FCRL2: variants seen among roughly 807,000 people sequenced by gnomAD.
The protein encoded by FCRL2 is Fc receptor like 2.
In FCRL2, 48 loss-of-function variants were observed where a neutral mutation model predicts 59.8. That is an observed-to-expected ratio of 0.80 (90% CI 0.64 to 1.02). The LOEUF is 1.02. Among genes scored for constraint, FCRL2 ranks in the 50% least tolerant of loss-of-function variants. FCRL2 has a pLI of 0.00. For missense variants in FCRL2, 658 were observed against 597.3 expected (o/e 1.10, Z -1.06); for synonymous variants, 251 against 229.5 (o/e 1.09, Z -0.85).
chr1:157,771,156 T>C (rs948268959), intron 2 of FCRL2, among the ~76,000 whole-genome samples: 2 of 152,170 alleles, frequency 1.3e-5, no homozygotes, highest in Non-Finnish European at 2.9e-5. Context: ...GGTTTCAACA[T>C]ATGAATTTGA....
At chr1:157,773,586 C>G (rs754259410) in intron 2 of FCRL2, among the ~76,000 whole-genome samples, 1 of 152,136 alleles carries the variant, frequency 6.6e-6, no homozygotes, top group African/African-American at 2.4e-5. Context: ...CCCAAAGAGT[C>G]ATAATGGGTT....
chr1:157,759,116 G>A (rs562973971), intron 7 of FCRL2, among the ~76,000 whole-genome samples: 1 of 152,278 alleles, frequency 6.6e-6, no homozygotes, highest in South Asian at 2.1e-4. Flanking sequence ...GTGATAGTGA[G>A]TTAGTTCTCA....
intron 7 of FCRL2, among the ~76,000 whole-genome samples, chr1:157,756,846 A>G (rs571519082): frequency 1.3e-5 from 2 of 152,330 alleles, no homozygotes; most frequent in African/African-American, 2.4e-5. Flanking sequence ...GAGGCAATAC[A>G]TATATTAATT....
Position 157,748,573 on chromosome 1 carries a change from A to G in FCRL2, c.1439T>C (p.Met480Thr), listed in dbSNP as rs1175864174. Residue 480 changes from methionine (M) to threonine (T), a missense_variant, in exon 10 of 12, where the codon ATG becomes ACG. By Grantham distance (81) the Met-to-Thr change is moderately conservative. Transcript: ENST00000361516. Reference sequence around the variant, plus strand: ...CTCACCTGAGCTTTCTGGCTGCTGCATGCTCCAGACCTGAGAATAAACCAC... The same window carrying G: ...CTCACCTGAGCTTTCTGGCTGCTGCGTGCTCCAGACCTGAGAATAAACCAC... Reference protein sequence around the residue: ...VDVVYSQVWSMQQPESSANIR... With the variant: ...VDVVYSQVWSTQQPESSANIR... 7 of 1,613,690 alleles carry G rather than the reference A, an allele frequency of 4.3e-6. No individual in the cohort carries two copies. In the Admixed American group the frequency reaches 1.0e-4, roughly 23 times the overall value.
chr1:157,770,318 G>A, intron 3 of FCRL2, 91 bp downstream of exon 3: 1 of 1,487,520 alleles, frequency 6.7e-7, no homozygotes, highest in South Asian at 1.3e-5. Context: ...TCTATATTTA[G>A]CCCATGAGCA....
At position 157,769,980 on chromosome 1, in the gene FCRL2, C is replaced by T. The variant is rs776613583; in HGVS notation, c.481G>A (p.Glu161Lys). 3.1e-6 allele frequency: 5 copies of T among 1,614,144 alleles called. No homozygotes were observed. The East Asian group carries it at 6.7e-5, about 22-fold the overall frequency. Residue 161 changes from glutamate to lysine, a missense_variant, in exon 4 of 12, where the codon GAG (glutamate) becomes AAG (lysine). Coordinates refer to ENST00000361516, the MANE Select transcript of FCRL2 (RefSeq NM_030764.4). ...VLGSGWSSSP[E>K]LQISAVWSED... ...CTCCACACGGCAGAAATCTGGAGCT[C>T]CGGAGAGCTGCTCCAGCCTGACCCC...
chr1:157,769,019 C>T (rs1213462347), intron 4 of FCRL2: 1 of 216,552 alleles, frequency 4.6e-6, no homozygotes, highest in Non-Finnish European at 9.0e-6. Context: ...TAGAGGGGCA[C>T]TGATATCTTC....
chr1:157,767,071 TC>T (rs1649550786), intron 6 of FCRL2, 100 bp from the exon 7 acceptor site: 1 of 1,335,462 alleles, frequency 7.5e-7, no homozygotes, highest in Admixed American at 2.1e-5. Context: ...AAGTAAGAGA[TC>T]ATTGAAGTGT....
intron 7 of FCRL2, 126 bp downstream of exon 7, chr1:157,766,729 A>C: frequency 2.0e-6 from 3 of 1,478,918 alleles, no homozygotes; most frequent in Non-Finnish European, 2.7e-6. Flanking sequence ...AGAATTATGA[A>C]GCATAAAAAG....
intron 5 of FCRL2, chr1:157,767,837 A>G (rs1440911865): frequency 3.0e-5 from 21 of 694,624 alleles, no homozygotes; most frequent in Non-Finnish European, 3.7e-5. Context: ...TAAGATTTCT[A>G]TAATATTATA....
intron 7 of FCRL2, among the ~76,000 whole-genome samples, chr1:157,750,969 G>A (rs962081503): frequency 2.6e-5 from 4 of 152,096 alleles, no homozygotes; most frequent in Middle Eastern, 3.2e-3. Context: ...TGATCATAAT[G>A]GAACTGGTAA....
chr1:157,760,528 T>C (rs1186875764), intron 7 of FCRL2, among the ~76,000 whole-genome samples: 1 of 151,690 alleles, frequency 6.6e-6, no homozygotes, highest in Non-Finnish European at 1.5e-5. Context: ...CCCAGGAGGC[T>C]GAGGCGAGAA....
At chr1:157,759,965 T>C (rs1337579655) in intron 7 of FCRL2, among the ~76,000 whole-genome samples, 3 of 152,250 alleles carry the variant, frequency 2.0e-5, no homozygotes, top group Non-Finnish European at 4.4e-5. Flanking sequence ...GGAATATAAA[T>C]CGTTCTACTG....
At chr1:157,764,717 A>T (rs1385606247) in intron 7 of FCRL2, among the ~76,000 whole-genome samples, 1 of 152,258 alleles carries the variant, frequency 6.6e-6, no homozygotes, top group Non-Finnish European at 1.5e-5. Context: ...CATGCTGCTA[A>T]ACAACCATTG....
chr1:157,775,732 G>T (rs1650357648), intron 2 of FCRL2, 43 bp downstream of exon 2: 11 of 1,611,664 alleles, frequency 6.8e-6, no homozygotes, highest in Non-Finnish European at 9.3e-6. Context: ...TGGGGTGACT[G>T]ATATGCCAGA....
intron 4 of FCRL2, 30 bp downstream of exon 4, chr1:157,769,836 T>A: frequency 6.2e-7 from 1 of 1,601,934 alleles, no homozygotes; most frequent in South Asian, 1.1e-5. Context: ...CTATCTTTTT[T>A]TCTCCAGGCT....
intron 4 of FCRL2, 97 bp downstream of exon 4, chr1:157,769,769 A>G: frequency 7.0e-7 from 1 of 1,434,856 alleles, no homozygotes; most frequent in Non-Finnish European, 9.5e-7. Flanking sequence ...ACTTTCCTCA[A>G]GGACAGGAGT....
In FCRL2 at chr1:157,748,553, C is replaced by T. The variant is rs770412973; in HGVS notation, c.1459G>A (p.Ala487Thr). ...CAAGAACTACTTTGCAGTTTCTCACCTGAGCTTTCTGGCTGCTGCATGCTC... is the reference window on the plus strand; with the variant it reads ...CAAGAACTACTTTGCAGTTTCTCACTTGAGCTTTCTGGCTGCTGCATGCTC... The part of the protein sequence containing the change: ...VWSMQQPESS[A>T]NIRTLLENKD... The change falls in exon 10 of 12, where the codon GCA becomes ACA. Residue 487 changes from alanine to threonine, a missense_variant and splice_region_variant. Ala to Thr is a moderately conservative substitution (Grantham distance 58, BLOSUM62 0). Coordinates refer to ENST00000361516, the MANE Select transcript of FCRL2 (RefSeq NM_030764.4). The T allele has an allele frequency of 1.2e-6, 2 of 1,613,462 alleles. No homozygotes were observed. The highest frequency in any genetic ancestry group is 1.1e-5 in the South Asian group (1 of 91,012).
At chr1:157,748,755 T>C (rs1647955425) in intron 9 of FCRL2, 120 bp downstream of exon 9, 1 of 1,174,282 alleles carries the variant, frequency 8.5e-7, no homozygotes, top group Non-Finnish European at 1.3e-6. Context: ...CTGTTATTTA[T>C]TGGGAATGGC....
Sources: allele counts gnomAD v4.1 joint callset (sites outside exome capture counted in the v4.1 genomes callset), GRCh38; gene constraint gnomAD v4.1.1; transcripts MANE v1.5; gene names NCBI Gene and HGNC (gene_info 2026-07-23, HGNC 2026-07-21).